The following SCAPER variants were observed in gnomAD, a reference collection of about 807,000 sequenced individuals.
The protein encoded by SCAPER is S phase cyclin A-associated protein in the endoplasmic reticulum.
SCAPER carries 98 observed loss-of-function variants against 182.2 expected under a neutral mutation model. The ratio of observed to expected loss-of-function variants is 0.54; its 90% CI spans 0.46 to 0.64. SCAPER has a LOEUF of 0.64. Among genes scored for constraint, SCAPER ranks in the 30% least tolerant of loss-of-function variants. The probability of loss-of-function intolerance (pLI) is 0.00; values close to 1 mark genes in which losing one functional copy is unlikely to be tolerated. For missense variants in SCAPER, 1,432 were observed against 1,690.0 expected (o/e 0.85, Z 2.68); for synonymous variants, 605 against 564.6 (o/e 1.07, Z -1.01).
At chr15:76,856,967 A>T (rs2071435191) in intron 4 of SCAPER, among the ~76,000 whole-genome samples, 1 of 152,240 alleles carries the variant, frequency 6.6e-6, no homozygotes, top group African/African-American at 2.4e-5. Context: ...TCAAAAGATA[A>T]AGTAGGCTTG....
At chr15:76,677,266 G>A (rs999710237) in intron 20 of SCAPER, among the ~76,000 whole-genome samples, 4 of 152,050 alleles carry the variant, frequency 2.6e-5, no homozygotes, top group South Asian at 2.1e-4. Context: ...AATCAGAAAT[G>A]AGTCTTAGTT....
intron 18 of SCAPER, among the ~76,000 whole-genome samples, chr15:76,705,051 T>C (rs1221273031): frequency 2.0e-5 from 3 of 152,136 alleles, no homozygotes; most frequent in Non-Finnish European, 2.9e-5. Context: ...ACTGAGTATA[T>C]ACCCAAAGGA....
At chr15:76,517,211 G>A (rs753144823) in intron 23 of SCAPER, among the ~76,000 whole-genome samples, 3 of 151,616 alleles carry the variant, frequency 2.0e-5, no homozygotes, top group Non-Finnish European at 1.5e-5. Context: ...TAGAGCCCAA[G>A]ATTTTACTAT....
intron 29 of SCAPER, among the ~76,000 whole-genome samples, chr15:76,360,515 C>T (rs977258693): frequency 1.1e-4 from 17 of 152,166 alleles, no homozygotes; most frequent in African/African-American, 3.6e-4. Flanking sequence ...ACTCATGAGC[C>T]CATTCCTTCC....
intron 18 of SCAPER, 23 bp from the exon 19 acceptor site, chr15:76,703,025 A>C: frequency 2.0e-6 from 3 of 1,513,368 alleles, no homozygotes; most frequent in Non-Finnish European, 2.6e-6. Context: ...TCAAAGTGCA[A>C]GAATTTCAAA....
intron 1 of SCAPER, among the ~76,000 whole-genome samples, chr15:76,903,136 T>C (rs2074891705): frequency 6.6e-6 from 1 of 152,102 alleles, no homozygotes; most frequent in Non-Finnish European, 1.5e-5. Flanking sequence ...AAAACATTCC[T>C]GCAGCTAAAT....
At chr15:76,605,121 C>A (rs1386075330) in intron 22 of SCAPER, among the ~76,000 whole-genome samples, 3 of 152,132 alleles carry the variant, frequency 2.0e-5, no homozygotes, top group African/African-American at 7.2e-5. Flanking sequence ...GGGAATGCTT[C>A]CAGTTTTTGC....
intron 2 of SCAPER, among the ~76,000 whole-genome samples, chr15:76,882,616 G>T (rs1226951990): frequency 2.0e-5 from 3 of 152,204 alleles, no homozygotes; most frequent in Non-Finnish European, 4.4e-5. Context: ...AGTATGAAGT[G>T]GGAGGGATGA....
chr15:76,672,730 T>C (rs1026955096), intron 20 of SCAPER, among the ~76,000 whole-genome samples: 3 of 152,158 alleles, frequency 2.0e-5, no homozygotes, highest in Non-Finnish European at 4.4e-5. Context: ...ATAGGAGTTC[T>C]TGACAAAGTA....
At chr15:76,389,499 T>C (rs1253581100) in intron 27 of SCAPER, among the ~76,000 whole-genome samples, 6 of 33,484 alleles carry the variant, frequency 1.8e-4, no homozygotes, top group African/African-American at 7.6e-4. Context: ...AGACTCCGTC[T>C]CAAAAAAAAA....
At position 76,701,270 on chromosome 15, in the gene SCAPER, C is replaced by T. The variant is rs1356259632; in HGVS notation, c.2508+488G>A. On this transcript the variant is annotated intron_variant, in intron 20 of 31. Transcript: ENST00000563290. Reference sequence around the variant, plus strand: ...ATAGGACAATAAATTCATAGATTAGCTATATCATCCAAGTTTCAAAAAGAG... The same window carrying T: ...ATAGGACAATAAATTCATAGATTAGTTATATCATCCAAGTTTCAAAAAGAG... 1.2e-4 allele frequency among the ~76,000 whole-genome samples: 19 copies of T among 152,074 alleles called. No individual in the cohort carries two copies. In the East Asian group the frequency reaches 3.3e-3, roughly 26 times the overall value.
chr15:76,672,828 T>G (rs34924128), intron 20 of SCAPER, among the ~76,000 whole-genome samples: 57,942 of 151,880 alleles, frequency 0.38, 13,054 homozygotes, highest in Middle Eastern at 0.52. Context: ...CTCAGCCTTT[T>G]GGCTAAGATC....
In SCAPER at chr15:76,488,714, C is replaced by CTTTTTTTTTTTTTTTTTTTT. The variant is rs71143333; in HGVS notation, c.2954+16125_2954+16144dup. On this transcript the variant is annotated intron_variant, in intron 24 of 31. Transcript: ENST00000563290. ...TTGCATCCTGATAACAGTACACTGCCTTTTTTTTTTTTTTTTTTTTTTTTT... is the reference window on the plus strand; with the variant it reads ...TTGCATCCTGATAACAGTACACTGCCTTTTTTTTTTTTTTTTTTTTTTTTTTTTTTTTTTTTTTTTTTTTT... Among the ~76,000 whole-genome samples the CTTTTTTTTTTTTTTTTTTTT allele has an allele frequency of 1.8e-3, 165 of 93,086 alleles. 18 individuals carry two copies. The highest frequency in any genetic ancestry group is 3.0e-3 in the South Asian group (7 of 2,334). 61.1% of individuals were successfully genotyped at this position (93,086 alleles called of 152,430 possible).
intron 5 of SCAPER, among the ~76,000 whole-genome samples, chr15:76,834,909 A>T (rs2068799918): frequency 6.6e-6 from 1 of 152,160 alleles, no homozygotes; most frequent in African/African-American, 2.4e-5. Context: ...TCATTAAGAA[A>T]AAACCTAAAA....
chr15:76,856,460 G>A (rs2071387063), intron 4 of SCAPER, among the ~76,000 whole-genome samples: 1 of 150,950 alleles, frequency 6.6e-6, no homozygotes, highest in African/African-American at 2.4e-5. Flanking sequence ...ACATGTATAT[G>A]TGTATATATG....
chr15:76,567,317 T>A (rs1384930050), intron 23 of SCAPER: 1 of 454,208 alleles, frequency 2.2e-6, no homozygotes, highest in African/African-American at 2.0e-5. Flanking sequence ...CTATTTTCCA[T>A]ATGTGGTGAT....
At chr15:76,524,944 T>C (rs551735728) in intron 23 of SCAPER, among the ~76,000 whole-genome samples, 1 of 152,190 alleles carries the variant, frequency 6.6e-6, no homozygotes, top group South Asian at 2.1e-4. Context: ...TAATACATGA[T>C]TGTTAGGCAT....
intron 24 of SCAPER, among the ~76,000 whole-genome samples, chr15:76,477,484 T>C (rs959434158): frequency 8.5e-5 from 13 of 152,210 alleles, no homozygotes; most frequent in African/African-American, 2.9e-4. Context: ...TGTACCACTC[T>C]GCCTTCTTCC....
intron 2 of SCAPER, among the ~76,000 whole-genome samples, chr15:76,878,211 A>G (rs1036191916): frequency 2.0e-5 from 3 of 151,892 alleles, no homozygotes; most frequent in Admixed American, 2.0e-4. Flanking sequence ...ATGGATATAT[A>G]TCATATATGG....
Sources: gnomAD v4.1 joint callset for allele counts (sites outside exome capture counted in the v4.1 genomes callset) on GRCh38, gnomAD v4.1.1 for gene constraint, MANE v1.5 for transcripts, NCBI Gene and HGNC (gene_info 2026-07-23, HGNC 2026-07-21) for gene names.